ATG4C: variants seen among roughly 807,000 people sequenced by gnomAD.
ATG4C encodes autophagy related 4C cysteine peptidase, also known as cysteine protease ATG4C.
A neutral mutation model predicts 57.6 loss-of-function variants in ATG4C; 56 were observed. The observed-to-expected ratio is 0.97, with a 90% confidence interval of 0.78 to 1.21. The LOEUF (loss-of-function observed/expected upper bound fraction) is 1.21, where lower values mean the gene tolerates loss of function less well. Ranked by LOEUF, ATG4C falls within the 50% of genes most tolerant of loss-of-function variation. ATG4C has a pLI of 0.00. For synonymous variants in ATG4C, 157 were observed against 174.1 expected, an observed-to-expected ratio of 0.90 and a Z score of 0.78; for missense variants, 595 against 529.8, an observed-to-expected ratio of 1.12 and a Z score of -1.21.
At position 62,797,964 on chromosome 1, in the gene ATG4C, C is replaced by T. The variant is rs142376107; in HGVS notation, c.-68-5755C>T. Among the ~76,000 whole-genome samples the T allele has an allele frequency of 7.3e-3, 1,114 of 152,186 alleles. 5 individuals are homozygous for T. Among genetic ancestry groups the T allele is most frequent in the Middle Eastern group, 0.017 (5 of 294 alleles). The stretch of plus-strand genomic sequence containing the variant: ...TCTCCCAAGTAGCTGAGATTACAGG[C>T]GCGTGCCACCACACCTGGCTAATTT... On this transcript the variant is annotated intron_variant, in intron 1 of 10. Coordinates refer to ENST00000317868, the MANE Select transcript of ATG4C (RefSeq NM_032852.4).
At position 62,805,435 on chromosome 1, in the gene ATG4C, G is replaced by A. The variant is rs187562163; in HGVS notation, c.160+180G>A. Reference sequence around the variant, plus strand: ...TTCTTGTTAACTAGTTGAGGATAAGGACCTTGTCATCTTTTGTTATATCCC... The same window carrying A: ...TTCTTGTTAACTAGTTGAGGATAAGAACCTTGTCATCTTTTGTTATATCCC... On this transcript the variant is annotated intron_variant, in intron 3 of 10. Coordinates refer to ENST00000317868, the MANE Select transcript of ATG4C (RefSeq NM_032852.4). 1.0e-3 allele frequency among the ~76,000 whole-genome samples: 154 copies of A among 151,868 alleles called. 1 individual carries two copies. The highest frequency in any genetic ancestry group is 3.6e-3 in the African/African-American group (150 of 41,480).
chr1:62,793,582 G>A lies in ATG4C; in HGVS notation c.-69+9309G>A, dbSNP rs568879103. ...ACTGCACTCCAGCCTGGGCAACAGA[G>A]TAAGACCTTGTCTCGAAAAAAAAAA... is the stretch of plus-strand genomic sequence containing the variant. On this transcript the variant is annotated intron_variant, in intron 1 of 10. Coordinates refer to ENST00000317868, the MANE Select transcript of ATG4C (RefSeq NM_032852.4). Among the ~76,000 whole-genome samples the A allele has an allele frequency of 3.0e-5, 3 of 101,252 alleles. No individual in the cohort carries two copies. In the South Asian group the frequency reaches 1.1e-3, roughly 37 times the overall value. The allele number at this position is 101,252 out of a possible 152,430, so 66.4% of individuals were successfully genotyped here.
At chr1:62,790,941 A>G (rs1307478028) in intron 1 of ATG4C, among the ~76,000 whole-genome samples, 3 of 152,204 alleles carry the variant, frequency 2.0e-5, no homozygotes, top group Non-Finnish European at 4.4e-5. Flanking sequence ...TACTTTAACT[A>G]ATTCCCAAGT....
intron 10 of ATG4C, among the ~76,000 whole-genome samples, chr1:62,855,031 C>A (rs773194610): frequency 4.7e-5 from 7 of 148,766 alleles, no homozygotes; most frequent in African/African-American, 1.7e-4. Flanking sequence ...AAGAATAAAT[C>A]TTTATTTTTG....
intron 9 of ATG4C, among the ~76,000 whole-genome samples, chr1:62,839,324 C>G (rs1347451001): frequency 6.6e-6 from 1 of 152,182 alleles, no homozygotes; most frequent in Non-Finnish European, 1.5e-5. Flanking sequence ...TTCTGAATTT[C>G]TGGGCACAGG....
chr1:62,838,327 T>C (rs1345963930), intron 9 of ATG4C, among the ~76,000 whole-genome samples: 1 of 152,010 alleles, frequency 6.6e-6, no homozygotes, highest in Non-Finnish European at 1.5e-5. Flanking sequence ...TTTTAAAAAT[T>C]AAAAAAAATC....
chr1:62,863,882 A>C, intron 10 of ATG4C, 110 bp from the exon 11 acceptor site: 1 of 737,136 alleles, frequency 1.4e-6, no homozygotes, highest in Non-Finnish European at 2.1e-6. Context: ...GTGAATGTAA[A>C]TGAAAGAAGC....
rs575312206 is a variant in ATG4C at position 62,804,259 on chromosome 1, T to G, written c.76+397T>G. On this transcript the variant is annotated intron_variant, in intron 2 of 10. Transcript: ENST00000317868. ...GCACTACCACACCTGGCTAATTTTT[T>G]TTTTGTATTTTTAGTAGAGATTGGG... is the stretch of plus-strand genomic sequence containing the variant. 2.6e-5 allele frequency among the ~76,000 whole-genome samples: 4 copies of G among 152,002 alleles called. No individual in the cohort carries two copies. In the South Asian group the frequency reaches 6.2e-4, roughly 24 times the overall value.
chr1:62,809,138 T>A (rs1308332738), intron 3 of ATG4C, among the ~76,000 whole-genome samples: 1 of 151,950 alleles, frequency 6.6e-6, no homozygotes, highest in Non-Finnish European at 1.5e-5. Flanking sequence ...AGGGTCTCCC[T>A]ATGTTGTCCA....
chr1:62,843,209 G>A (rs1666224929), intron 10 of ATG4C, among the ~76,000 whole-genome samples: 1 of 151,878 alleles, frequency 6.6e-6, no homozygotes, highest in African/African-American at 2.4e-5. Flanking sequence ...GACACTTATG[G>A]CTTTTACATT....
intron 1 of ATG4C, among the ~76,000 whole-genome samples, chr1:62,801,840 C>T (rs1406116688): frequency 6.7e-6 from 1 of 149,780 alleles, no homozygotes; most frequent in Middle Eastern, 3.5e-3. Context: ...CGCCTGGAGT[C>T]CCAGTTACTC....
intron 1 of ATG4C, among the ~76,000 whole-genome samples, chr1:62,802,242 C>T (rs996143392): frequency 5.9e-5 from 9 of 151,910 alleles, no homozygotes; most frequent in African/African-American, 2.2e-4. Flanking sequence ...CTCAGATGTC[C>T]ATTTCTCCAT....
Position 62,821,221 on chromosome 1 carries a change from A to G in ATG4C, c.796+12A>G. The G allele has an allele frequency of 2.0e-6, 3 of 1,523,090 alleles. No individual in the cohort carries two copies. Among genetic ancestry groups the G allele is most frequent in the South Asian group, 2.5e-5 (2 of 78,640 alleles). The allele number at this position is 1,523,090 out of a possible 1,614,324, so 94.3% of individuals were successfully genotyped here. The stretch of plus-strand genomic sequence containing the variant: ...ACAAGATTGTACAGGTAAGGAATGT[A>G]TATAATTCTAATCTTTGTTTTATTT... On this transcript the variant is annotated intron_variant, in intron 6 of 10. Transcript: ENST00000317868.
intron 5 of ATG4C, 93 bp downstream of exon 5, chr1:62,819,428 T>C: frequency 2.0e-6 from 2 of 1,004,956 alleles, no homozygotes; most frequent in Middle Eastern, 4.6e-4. Flanking sequence ...ATTGGAACTT[T>C]AAAAGTCTAA....
chr1:62,809,882 A>G (rs1244753592), intron 3 of ATG4C, among the ~76,000 whole-genome samples: 2 of 152,090 alleles, frequency 1.3e-5, no homozygotes, highest in Admixed American at 6.6e-5. Flanking sequence ...CTTATCAGAT[A>G]TAATATACAC....
intron 3 of ATG4C, among the ~76,000 whole-genome samples, chr1:62,807,994 G>T (rs992271887): frequency 6.6e-6 from 1 of 152,202 alleles, no homozygotes; most frequent in Admixed American, 6.5e-5. Flanking sequence ...TAGGATTCCC[G>T]GTTGGTGTCT....
rs963184748 is a variant in ATG4C, at chr1:62,813,948, A to G, written c.161-2627A>G. ...TCATTAAAAAGTCAGGAAACAACAG[A>G]TGCTGGAGAGGATGTGGAGAAATAG... On this transcript the variant is annotated intron_variant, in intron 3 of 10. Coordinates refer to ENST00000317868, the MANE Select transcript of ATG4C (RefSeq NM_032852.4). Among the ~76,000 whole-genome samples the G allele has an allele frequency of 2.0e-5, 3 of 152,130 alleles. No individual in the cohort carries two copies. The South Asian group carries it at 6.2e-4, about 32-fold the overall frequency.
At chr1:62,834,656 T>C (rs1665942814) in intron 8 of ATG4C, 120 bp from the exon 9 acceptor site, 1 of 701,300 alleles carries the variant, frequency 1.4e-6, no homozygotes, top group East Asian at 2.7e-5. Context: ...TCAATGAATA[T>C]CAGTCTGGCA....
rs770154953 is a variant in ATG4C at position 62,805,272 on chromosome 1, T to C, written c.160+17T>C. On this transcript the variant is annotated intron_variant, in intron 3 of 10. Coordinates refer to ENST00000317868, the MANE Select transcript of ATG4C (RefSeq NM_032852.4). Reference sequence around the variant, plus strand: ...AATATGAAGGTAAGTACAAAATTTGTAAACCATTTAAAAATTTTTGTAGAA... The same window carrying C: ...AATATGAAGGTAAGTACAAAATTTGCAAACCATTTAAAAATTTTTGTAGAA... 6.0e-6 allele frequency: 9 copies of C among 1,488,002 alleles called. No individual in the cohort carries two copies. Among genetic ancestry groups the C allele is most frequent in the South Asian group, 4.3e-5 (3 of 70,040 alleles). The allele number at this position is 1,488,002 out of a possible 1,614,324, so 92.2% of individuals were successfully genotyped here.
Sources: allele counts gnomAD v4.1 joint callset (sites outside exome capture counted in the v4.1 genomes callset), GRCh38; gene constraint gnomAD v4.1.1; transcripts MANE v1.5; gene names NCBI Gene and HGNC (gene_info 2026-07-23, HGNC 2026-07-21).